Variants in PROX2 observed in about 807,000 individuals in gnomAD.
PROX2 encodes prospero homeobox 2, also known as prospero homeobox protein 2.
In PROX2, 46 loss-of-function variants were observed where a neutral mutation model predicts 48.9. The observed-to-expected ratio is 0.94, with a 90% confidence interval of 0.74 to 1.20. The LOEUF (loss-of-function observed/expected upper bound fraction) is 1.20. Ranked by LOEUF, PROX2 falls within the 50% of genes most tolerant of loss-of-function variation. The probability of loss-of-function intolerance (pLI) is 0.00; values close to 1 mark genes in which losing one functional copy is unlikely to be tolerated. For missense variants in PROX2, 663 were observed against 719.4 expected, an observed-to-expected ratio of 0.92 and a Z score of 0.90; for synonymous variants, 260 against 276.6, an observed-to-expected ratio of 0.94 and a Z score of 0.60.
At chr14:74,857,264 T>C in intron 4 of PROX2, 1 of 336,274 alleles carries the variant, frequency 3.0e-6, no homozygotes, top group East Asian at 5.0e-5. Context: ...CATGAAAAGC[T>C]TTTTGTGGTG....
Position 74,856,533 on chromosome 14 carries a change from G to C in PROX2, c.1608+268C>G, listed in dbSNP as rs2091744207. The C allele has an allele frequency of 1.5e-5, 6 of 408,966 alleles. No homozygotes were observed. The South Asian group carries it at 2.8e-4, about 19-fold the overall frequency. The allele number at this position is 408,966 out of a possible 1,614,324, so 25.3% of individuals were successfully genotyped here. On this transcript the variant is annotated intron_variant, in intron 5 of 5. Transcript: ENST00000556489. ...AAGTTATGTAACTTGATAATGACAG[G>C]GTATTCAGTCTAAGATGGTGTAACA... is the stretch of plus-strand genomic sequence containing the variant.
chr14:74,864,221 A>G (rs2091824982), intron 2 of PROX2, among the ~76,000 whole-genome samples: 1 of 152,124 alleles, frequency 6.6e-6, no homozygotes, highest in Non-Finnish European at 1.5e-5. Flanking sequence ...TCCGAGAGTG[A>G]TCTTACAGGG....
At chr14:74,861,921 A>C (rs746781303) in intron 3 of PROX2, among the ~76,000 whole-genome samples, 5 of 152,318 alleles carry the variant, frequency 3.3e-5, no homozygotes, top group Non-Finnish European at 7.4e-5. Context: ...GGTGGCTGAC[A>C]ACCAAATTAT....
chr14:74,863,016 A>G lies in PROX2; in HGVS notation c.819T>C (p.Pro273=), dbSNP rs1296030819. The G allele has an allele frequency of 1.2e-6, 2 of 1,613,766 alleles. No individual in the cohort carries two copies. Among genetic ancestry groups the G allele is most frequent in the Non-Finnish European group, 1.7e-6 (2 of 1,179,860 alleles). Residue 273 remains proline, a synonymous_variant, in exon 3 of 6, where the codon CCT becomes CCC. Transcript: ENST00000556489. ...QVAEGRSEPS[P]PVGGACKDPL... ...GATCTTTACAGGCCCCTCCCACAGG[A>G]GGTGAGGGCTCGCTTCTACCCTCTG... is the stretch of plus-strand genomic sequence containing the variant.
At chr14:74,857,708 CTCTG>C (rs937941755) in intron 4 of PROX2, 2 of 151,548 alleles carry the variant, frequency 1.3e-5, no homozygotes, top group East Asian at 1.9e-4. Flanking sequence ...GTGTCTGACA[CTCTG>C]TCTCTCTCTC....
At chr14:74,874,260 T>G in intron 1 of PROX2, 2 of 355,604 alleles carry the variant, frequency 5.6e-6, no homozygotes, top group South Asian at 2.3e-5. Flanking sequence ...AGTTTTTTTT[T>G]TTTTTTTTTT....
intron 2 of PROX2, among the ~76,000 whole-genome samples, chr14:74,870,775 C>T (rs1883193504): frequency 6.6e-6 from 1 of 152,160 alleles, no homozygotes; most frequent in African/African-American, 2.4e-5. Flanking sequence ...CGCAGGGGCT[C>T]ACGCCTGTAA....
chr14:74,855,336 G>C, intron 5 of PROX2, 34 bp from the exon 6 acceptor site: 1 of 1,500,938 alleles, frequency 6.7e-7, no homozygotes, highest in Non-Finnish European at 9.0e-7. Flanking sequence ...AGAAAGAAAA[G>C]ACGTGAGGTT....
At chr14:74,864,340 ATTAAT>A (rs956154541) in intron 2 of PROX2, among the ~76,000 whole-genome samples, 2 of 152,226 alleles carry the variant, frequency 1.3e-5, no homozygotes, top group African/African-American at 2.4e-5. Context: ...CTCTACATCC[ATTAAT>A]TTAATTAATG....
At chr14:74,857,214 C>CT (rs1343935057) in intron 4 of PROX2, 9 of 457,550 alleles carry the variant, frequency 2.0e-5, no homozygotes, top group Non-Finnish European at 3.1e-5. Context: ...TAGAACATAA[C>CT]TTTTTTTTGA....
In PROX2 at chr14:74,855,166, G is replaced by A. The variant is rs748729551; in HGVS notation, c.1745C>T (p.Pro582Leu). Residue 582 changes from proline (P) to leucine (L), a missense_variant, in exon 6 of 6, where the codon CCA becomes CTA. Physicochemically the swap from Pro to Leu is moderately conservative, Grantham distance 98 (BLOSUM62 -3). Coordinates refer to ENST00000556489, the MANE Select transcript of PROX2 (RefSeq NM_001243007.2). Reference sequence around the variant, plus strand: ...ATAGCTGGAAGATTTGAATATCTCTGGGATGTCACTGTCCAGTTTCGAAAT... The same window carrying A: ...ATAGCTGGAAGATTTGAATATCTCTAGGATGTCACTGTCCAGTTTCGAAAT... ...KIISKLDSDIPEIFKSSSYPQ is the reference protein window; with the variant it reads ...KIISKLDSDILEIFKSSSYPQ The A allele has an allele frequency of 6.3e-7, 1 of 1,585,484 alleles. No homozygotes were observed.
chr14:74,855,513 G>C (rs935118126), intron 5 of PROX2: 1 of 393,226 alleles, frequency 2.5e-6, no homozygotes, highest in Non-Finnish European at 4.5e-6. Flanking sequence ...GAAAGCCCTG[G>C]GAGAAGGTGA....
At chr14:74,866,190 G>A (rs1416989901) in intron 2 of PROX2, among the ~76,000 whole-genome samples, 1 of 149,930 alleles carries the variant, frequency 6.7e-6, no homozygotes, top group African/African-American at 2.5e-5. Context: ...TCCAGGAGGT[G>A]GAGGTTGCAG....
Position 74,863,272 on chromosome 14 carries a change from A to G in PROX2, c.563T>C (p.Val188Ala). 1 of 1,613,942 alleles carries G rather than the reference A, an allele frequency of 6.2e-7. No individual in the cohort carries two copies. Among genetic ancestry groups the G allele is most frequent in the Non-Finnish European group, 8.5e-7 (1 of 1,179,856 alleles). Residue 188 changes from valine to alanine, a missense_variant, in exon 3 of 6, where the codon GTG (valine) becomes GCG (alanine). Coordinates refer to ENST00000556489, the MANE Select transcript of PROX2 (RefSeq NM_001243007.2). ...GGTACCTTGCTGGTGGTCACCGTCC[A>G]CAACCCAGGGGCGAGGCCCACAGCC... is the stretch of plus-strand genomic sequence containing the variant. ...GNGCGPRPWV[V>A]DGDHQQGTSK... is the part of the protein sequence containing the mutation.
At position 74,875,933 on chromosome 14, in the gene PROX2, T is replaced by C. The variant is rs1472368239; in HGVS notation, c.-348A>G. 6.6e-6 allele frequency among the ~76,000 whole-genome samples: 1 copy of C among 152,252 alleles called. No individual in the cohort carries two copies. Among genetic ancestry groups the C allele is most frequent in the Non-Finnish European group, 1.5e-5 (1 of 68,046 alleles). On this transcript the variant is annotated 5_prime_UTR_variant, in exon 1 of 6. Coordinates refer to ENST00000556489, the MANE Select transcript of PROX2 (RefSeq NM_001243007.2). ...TCTGGGAGGTCCTTGTCTTGGGCTC[T>C]GTGGCCAGGTGGGGCCAACCACTCT... is the stretch of plus-strand genomic sequence containing the variant.
intron 5 of PROX2, chr14:74,856,584 A>G: frequency 1.8e-6 from 1 of 558,892 alleles, no homozygotes; most frequent in Non-Finnish European, 3.2e-6. Context: ...ACTAAGCTTC[A>G]GAATGAAGAC....
intron 2 of PROX2, among the ~76,000 whole-genome samples, chr14:74,870,851 C>G (rs1883195399): frequency 6.6e-6 from 1 of 151,988 alleles, no homozygotes; most frequent in South Asian, 2.1e-4. Context: ...ACCAGTCTGG[C>G]CAACATGGTG....
At chr14:74,858,778 TTG>T (rs3083647) in intron 3 of PROX2, 2,530 of 214,410 alleles carry the variant, frequency 0.012, 33 homozygotes, top group African/African-American at 0.022. Flanking sequence ...TTGGTGTATT[TTG>T]TGTGTGTGTG....
intron 2 of PROX2, among the ~76,000 whole-genome samples, chr14:74,868,835 CAA>C (rs34902627): frequency 1.4e-3 from 200 of 141,290 alleles, no homozygotes; most frequent in Middle Eastern, 3.7e-3. Flanking sequence ...GACTCCGTCT[CAA>C]AAAAAAAAAA....
Sources: allele counts gnomAD v4.1 joint callset (sites outside exome capture counted in the v4.1 genomes callset), GRCh38; gene constraint gnomAD v4.1.1; transcripts MANE v1.5; gene names NCBI Gene and HGNC (gene_info 2026-07-23, HGNC 2026-07-21).